Variants in HS3ST5 observed in about 807,000 individuals in gnomAD.
HS3ST5 encodes the protein heparan sulfate-glucosamine 3-sulfotransferase 5.
A neutral mutation model predicts 25.4 loss-of-function variants in HS3ST5; 10 were observed. The ratio of observed to expected loss-of-function variants is 0.39; its 90% CI spans 0.24 to 0.67. The LOEUF (loss-of-function observed/expected upper bound fraction) is 0.67. Ranked by LOEUF, HS3ST5 falls within the 30% of genes least tolerant of loss-of-function variation. The pLI is 0.44. For missense variants in HS3ST5, 324 were observed against 420.7 expected (o/e 0.77, Z 2.01); for synonymous variants, 170 against 162.4 (o/e 1.05, Z -0.36).
chr6:114,066,301 ACACTTGCTAC>A (rs1268976328), intron 3 of HS3ST5, among the ~76,000 whole-genome samples: 1 of 152,222 alleles, frequency 6.6e-6, no homozygotes, highest in East Asian at 1.9e-4. Context: ...TAAAACACAC[ACACTTGCTAC>A]CACCCTCAGA....
chr6:114,278,268 C>T (rs1344647207), intron 1 of HS3ST5, among the ~76,000 whole-genome samples: 2 of 151,922 alleles, frequency 1.3e-5, no homozygotes, highest in African/African-American at 4.8e-5. Context: ...CTGTTCAATT[C>T]TTCTACTTCT....
At chr6:114,153,183 C>G (rs1778539925) in intron 3 of HS3ST5, among the ~76,000 whole-genome samples, 2 of 152,158 alleles carry the variant, frequency 1.3e-5, no homozygotes, top group African/African-American at 4.8e-5. Flanking sequence ...ATCCTGGGCT[C>G]TGTCTCCTGG....
At chr6:114,281,654 A>T (rs1301573149) in intron 1 of HS3ST5, among the ~76,000 whole-genome samples, 2 of 151,966 alleles carry the variant, frequency 1.3e-5, no homozygotes, top group African/African-American at 4.8e-5. Flanking sequence ...AGGAAGTAGG[A>T]CATATTGCTG....
At chr6:114,081,157 A>G (rs1049680264) in intron 3 of HS3ST5, among the ~76,000 whole-genome samples, 15 of 152,306 alleles carry the variant, frequency 9.8e-5, no homozygotes, top group Admixed American at 9.8e-4. Context: ...ATGTGGGTGT[A>G]GTTTATGGTG....
chr6:114,333,643 AT>A (rs752440846), intron 1 of HS3ST5, among the ~76,000 whole-genome samples: 1 of 151,924 alleles, frequency 6.6e-6, no homozygotes, highest in African/African-American at 2.4e-5. Flanking sequence ...TAATATATAT[AT>A]TTTTTTAAAA....
chr6:114,109,670 T>G (rs1417599461), intron 3 of HS3ST5, among the ~76,000 whole-genome samples: 1 of 152,210 alleles, frequency 6.6e-6, no homozygotes, highest in East Asian at 1.9e-4. Flanking sequence ...CCATGGCTGC[T>G]GTTCATGAGA....
chr6:114,163,471 C>A (rs1386823806), intron 3 of HS3ST5, among the ~76,000 whole-genome samples: 1 of 152,022 alleles, frequency 6.6e-6, no homozygotes, highest in Non-Finnish European at 1.5e-5. Context: ...TATGTTTTAG[C>A]ATATAATATT....
At chr6:114,195,773 T>C (rs1289854697) in intron 2 of HS3ST5, among the ~76,000 whole-genome samples, 3 of 152,114 alleles carry the variant, frequency 2.0e-5, no homozygotes, top group Non-Finnish European at 4.4e-5. Flanking sequence ...AAGCAGGCAG[T>C]TAGGGTGGGT....
intron 3 of HS3ST5, among the ~76,000 whole-genome samples, chr6:114,099,453 A>G (rs1775617978): frequency 6.6e-6 from 1 of 152,150 alleles, no homozygotes; most frequent in Non-Finnish European, 1.5e-5. Context: ...TCTATTTCAG[A>G]TCATTGTTTT....
intron 2 of HS3ST5, among the ~76,000 whole-genome samples, chr6:114,219,220 T>G (rs1781915293): frequency 6.6e-6 from 1 of 152,208 alleles, no homozygotes; most frequent in South Asian, 2.1e-4. Context: ...AATCACATTA[T>G]TTTTATTCTT....
At chr6:114,224,423 T>C (rs1465778710) in intron 2 of HS3ST5, among the ~76,000 whole-genome samples, 3 of 151,488 alleles carry the variant, frequency 2.0e-5, no homozygotes, top group Non-Finnish European at 4.4e-5. Context: ...AATTATATCA[T>C]TTCTATAATC....
At chr6:114,332,419 ATAAAG>A (rs1246231618) in intron 1 of HS3ST5, among the ~76,000 whole-genome samples, 1 of 152,198 alleles carries the variant, frequency 6.6e-6, no homozygotes, top group Non-Finnish European at 1.5e-5. Flanking sequence ...ATAAAGACTA[ATAAAG>A]TAATCATATT....
At chr6:114,304,231 G>A (rs1487208716) in intron 1 of HS3ST5, among the ~76,000 whole-genome samples, 1 of 152,012 alleles carries the variant, frequency 6.6e-6, no homozygotes, top group Non-Finnish European at 1.5e-5. Context: ...CTTTCTATAT[G>A]GTATCATATA....
rs1772968038 is a variant in HS3ST5 at position 114,059,487 on chromosome 6, T to C, written c.108-1297A>G. On this transcript the variant is annotated intron_variant, in intron 4 of 4. Transcript: ENST00000312719. ...GTCATGCCCAGTGATATGGTTTGGC[T>C]CTGTGCCCCCACCCAAATCTCATCC... The C allele has an allele frequency of 2.0e-5, 3 of 152,348 alleles. No homozygotes were observed. In the South Asian group the frequency reaches 6.2e-4, roughly 32 times the overall value. The allele number at this position is 152,348 out of a possible 1,614,324, so 9.4% of individuals were successfully genotyped here. A position where few individuals can be genotyped will look rare whatever the true frequency, so the allele number is the denominator to read the frequency against.
chr6:114,092,569 T>A (rs1358782430), intron 3 of HS3ST5, among the ~76,000 whole-genome samples: 2 of 152,188 alleles, frequency 1.3e-5, no homozygotes, highest in African/African-American at 4.8e-5. Flanking sequence ...GCAGCCATTT[T>A]GGTTTTGGCA....
intron 1 of HS3ST5, among the ~76,000 whole-genome samples, chr6:114,297,519 A>T (rs769483378): frequency 3.9e-5 from 6 of 152,200 alleles, no homozygotes; most frequent in Non-Finnish European, 7.3e-5. Context: ...GACTTTTTTC[A>T]TTCCTTTACT....
chr6:114,100,883 G>A, intron 3 of HS3ST5, among the ~76,000 whole-genome samples: 1 of 152,190 alleles, frequency 6.6e-6, no homozygotes, highest in East Asian at 1.9e-4. Flanking sequence ...TCAAGATGGA[G>A]GAGAAGATTT....
intron 2 of HS3ST5, among the ~76,000 whole-genome samples, chr6:114,176,691 C>CT (rs1223088509): frequency 2.0e-5 from 3 of 152,228 alleles, no homozygotes; most frequent in African/African-American, 7.2e-5. Context: ...CTAAAAAAAA[C>CT]TACCTCTTCA....
In HS3ST5 at chr6:114,313,341, T is replaced by G. The variant is rs539246031; in HGVS notation, c.-339+28854A>C. Among the ~76,000 whole-genome samples the G allele has an allele frequency of 1.4e-3, 214 of 152,234 alleles. 1 individual carries two copies. Among genetic ancestry groups the G allele is most frequent in the Non-Finnish European group, 2.6e-3 (176 of 68,000 alleles). ...ACCCAGTAATTCCAGTCCTAGGCAC[T>G]TGCTTACAATAAAGAAAAACGTGTT... On this transcript the variant is annotated intron_variant, in intron 1 of 4. Coordinates refer to ENST00000312719, the MANE Select transcript of HS3ST5 (RefSeq NM_153612.4).
Sources: allele counts gnomAD v4.1 joint callset (sites outside exome capture counted in the v4.1 genomes callset), GRCh38; gene constraint gnomAD v4.1.1; transcripts MANE v1.5; gene names NCBI Gene and HGNC (gene_info 2026-07-23, HGNC 2026-07-21).